The following TGFB2 variants were observed in gnomAD, a reference collection of about 807,000 sequenced individuals.
TGFB2 encodes transforming growth factor beta 2, also known as transforming growth factor beta-2 proprotein.
TGFB2 carries 13 observed loss-of-function variants against 42.7 expected under a neutral mutation model. The observed-to-expected ratio is 0.30, with a 90% CI of 0.20 to 0.48. The LOEUF is 0.48. Among genes scored for constraint, TGFB2 ranks in the 20% least tolerant of loss-of-function variants. The pLI is 0.99. For synonymous variants in TGFB2, 193 were observed against 193.6 expected (o/e 1.00, Z 0.03); for missense variants, 390 against 517.5 (o/e 0.75, Z 2.39).
chr1:218,379,487 C>CTTTTTTTTTTTTTTTT (rs59224313), intron 1 of TGFB2, among the ~76,000 whole-genome samples: 5 of 133,406 alleles, frequency 3.7e-5, no homozygotes, highest in Non-Finnish European at 6.3e-5. Context: ...TTCTTTCTTT[C>CTTTTTTTTTTTTTTTT]TTTTTTTTTT....
intron 1 of TGFB2, among the ~76,000 whole-genome samples, chr1:218,358,594 G>A (rs896443857): frequency 3.4e-5 from 5 of 149,184 alleles, no homozygotes; most frequent in Non-Finnish European, 5.9e-5. Context: ...CGTCACCTAG[G>A]CTGGAGTGCA....
chr1:218,357,814 T>G (rs1022984803), intron 1 of TGFB2, among the ~76,000 whole-genome samples: 12 of 152,346 alleles, frequency 7.9e-5, no homozygotes, highest in East Asian at 3.9e-4. Context: ...TCGGTAATTA[T>G]GAAACAGGTT....
Position 218,405,505 on chromosome 1 carries a change from C to T in TGFB2, c.510+173C>T, listed in dbSNP as rs562626298. The T allele has an allele frequency of 9.1e-6, 10 of 1,093,936 alleles. 1 individual carries two copies. The East Asian group carries it at 1.5e-4, about 17-fold the overall frequency. The allele number at this position is 1,093,936 out of a possible 1,614,324, so 67.8% of individuals were successfully genotyped here. A position where few individuals can be genotyped will look rare whatever the true frequency, so the allele number is the denominator to read the frequency against. On this transcript the variant is annotated intron_variant, in intron 2 of 6. Transcript: ENST00000366930. ...TCAGCCTCCCTAGTCAATGGGACTG[C>T]AGGAGTGCACCATCACACCCGATTA...
intron 2 of TGFB2, among the ~76,000 whole-genome samples, chr1:218,433,381 C>T (rs558697358): frequency 1.2e-4 from 18 of 152,274 alleles, no homozygotes; most frequent in African/African-American, 3.8e-4. Context: ...AATACATCTT[C>T]CTAAAGCCTC....
chr1:218,417,105 T>G (rs1659306676), intron 2 of TGFB2, among the ~76,000 whole-genome samples: 1 of 152,182 alleles, frequency 6.6e-6, no homozygotes, highest in Non-Finnish European at 1.5e-5. Context: ...TGGAAGCAAC[T>G]TTGGAACTGG....
At chr1:218,409,634 T>C (rs1405347811) in intron 2 of TGFB2, among the ~76,000 whole-genome samples, 2 of 151,872 alleles carry the variant, frequency 1.3e-5, no homozygotes, top group Non-Finnish European at 1.5e-5. Context: ...TTACAGAGTT[T>C]CACATCCAAA....
chr1:218,380,584 A>T (rs1384892958), intron 1 of TGFB2, among the ~76,000 whole-genome samples: 2 of 152,050 alleles, frequency 1.3e-5, no homozygotes, highest in African/African-American at 4.8e-5. Context: ...GCTGCAGAGT[A>T]TATGTGTCCG....
intron 1 of TGFB2, among the ~76,000 whole-genome samples, chr1:218,378,693 A>G (rs1037851663): frequency 6.6e-6 from 1 of 151,730 alleles, no homozygotes; most frequent in Admixed American, 6.6e-5. Context: ...TGCAGCCTGG[A>G]ACTCCTGGCC....
intron 1 of TGFB2, among the ~76,000 whole-genome samples, chr1:218,390,911 AC>A (rs1658299160): frequency 6.6e-6 from 1 of 152,046 alleles, no homozygotes; most frequent in African/African-American, 2.4e-5. Flanking sequence ...ACATCTACCA[AC>A]CCTAAGAAAG....
intron 1 of TGFB2, among the ~76,000 whole-genome samples, chr1:218,355,440 C>A (rs527857887): frequency 5.7e-4 from 87 of 152,292 alleles, no homozygotes; most frequent in Non-Finnish European, 2.9e-4. Flanking sequence ...GACAAGAAAT[C>A]CTACTCCAGG....
chr1:218,436,231 C>G (rs1659968677), intron 5 of TGFB2, 84 bp downstream of exon 5: 2 of 1,419,318 alleles, frequency 1.4e-6, no homozygotes, highest in Non-Finnish European at 1.9e-6. Flanking sequence ...GTGTATTGAC[C>G]CAAGTGGAAC....
At chr1:218,439,877 A>G (rs569494273) in intron 6 of TGFB2, among the ~76,000 whole-genome samples, 1 of 152,374 alleles carries the variant, frequency 6.6e-6, no homozygotes, top group Admixed American at 6.5e-5. Context: ...CAGTTACCCA[A>G]GAAGCCAGAG....
chr1:218,375,148 C>G (rs186277730), intron 1 of TGFB2, among the ~76,000 whole-genome samples: 1 of 152,090 alleles, frequency 6.6e-6, no homozygotes, highest in Non-Finnish European at 1.5e-5. Flanking sequence ...ATATAATGGG[C>G]CTCTATGTTT....
chr1:218,426,409 T>A (rs555881948), intron 2 of TGFB2, among the ~76,000 whole-genome samples: 1 of 152,362 alleles, frequency 6.6e-6, no homozygotes, highest in Non-Finnish European at 1.5e-5. Flanking sequence ...GTAACATCAG[T>A]GACTTTCACC....
At chr1:218,361,873 T>C (rs1002582289) in intron 1 of TGFB2, among the ~76,000 whole-genome samples, 4 of 152,206 alleles carry the variant, frequency 2.6e-5, no homozygotes, top group African/African-American at 9.7e-5. Flanking sequence ...TGGGAACATA[T>C]GTGAGCAGAT....
intron 1 of TGFB2, among the ~76,000 whole-genome samples, chr1:218,397,229 T>G (rs1168849288): frequency 7.2e-6 from 1 of 138,138 alleles, no homozygotes; most frequent in East Asian, 2.1e-4. Context: ...GATTGCGCCA[T>G]TACACTCCAG....
chr1:218,387,585 G>A (rs1658179696), intron 1 of TGFB2, among the ~76,000 whole-genome samples: 1 of 152,014 alleles, frequency 6.6e-6, no homozygotes, highest in African/African-American at 2.4e-5. Flanking sequence ...AGACACGAGG[G>A]AACCGAGGCC....
At chr1:218,369,013 T>C (rs1327309663) in intron 1 of TGFB2, among the ~76,000 whole-genome samples, 4 of 151,906 alleles carry the variant, frequency 2.6e-5, no homozygotes, top group Admixed American at 2.0e-4. Flanking sequence ...TCCCACCACT[T>C]TGGGAGGCCG....
At chr1:218,364,310 T>A (rs1657314989) in intron 1 of TGFB2, among the ~76,000 whole-genome samples, 1 of 152,144 alleles carries the variant, frequency 6.6e-6, no homozygotes, top group African/African-American at 2.4e-5. Context: ...CAGCACCAGG[T>A]GTTAGGCTGA....
Sources: gnomAD v4.1 joint callset for allele counts (sites outside exome capture counted in the v4.1 genomes callset) on GRCh38, gnomAD v4.1.1 for gene constraint, MANE v1.5 for transcripts, NCBI Gene and HGNC (gene_info 2026-07-23, HGNC 2026-07-21) for gene names.